Variants in HSPH1 observed in about 807,000 individuals in gnomAD.
The protein encoded by HSPH1 is heat shock protein 105 kDa.
HSPH1 carries 40 observed loss-of-function variants against 100.0 expected under a neutral mutation model. That is an observed-to-expected ratio of 0.40 (90% CI 0.31 to 0.52). HSPH1 has a LOEUF of 0.52. Ranked by LOEUF, HSPH1 falls within the 20% of genes least tolerant of loss-of-function variation. The pLI, the probability that HSPH1 is intolerant of heterozygous loss-of-function variation, is 0.54. For synonymous variants in HSPH1, 403 were observed against 344.0 expected (o/e 1.17, Z -1.90); for missense variants, 876 against 1,015.1 (o/e 0.86, Z 1.86).
chr13:31,154,481 ACTTTGTAATG>A, intron 4 of HSPH1, 142 bp downstream of exon 4: 2 of 866,356 alleles, frequency 2.3e-6, no homozygotes, highest in South Asian at 2.9e-5. Flanking sequence ...ACTCAAATCT[ACTTTGTAATG>A]CTCTGGAACA....
At chr13:31,145,900 G>A (rs1301807609) in intron 10 of HSPH1, 132 bp from the exon 11 acceptor site, 1 of 699,098 alleles carries the variant, frequency 1.4e-6, no homozygotes, top group East Asian at 2.7e-5. Flanking sequence ...TGGGTCACTT[G>A]AGCCCAAGAG....
chr13:31,158,882 C>CA lies in HSPH1; in HGVS notation c.108-20dup. 2 of 1,454,260 alleles carry CA rather than the reference C, an allele frequency of 1.4e-6. No homozygotes were observed. The highest frequency in any genetic ancestry group is 1.1e-5 in the South Asian group (1 of 87,262). The allele number at this position is 1,454,260 out of a possible 1,614,324, so 90.1% of individuals were successfully genotyped here. A position where few individuals can be genotyped will look rare whatever the true frequency, so the allele number is the denominator to read the frequency against. ...GACTGACCTAGAAAAAAATATATTC[C>CA]AAAAAATTAAAAAGCATAAAGGTTG... On this transcript the variant is annotated intron_variant, in intron 1 of 17. Coordinates refer to ENST00000320027, the MANE Select transcript of HSPH1 (RefSeq NM_006644.4).
At chr13:31,155,293 G>A (rs530931889) in intron 3 of HSPH1, among the ~76,000 whole-genome samples, 1 of 152,028 alleles carries the variant, frequency 6.6e-6, no homozygotes, top group South Asian at 2.1e-4. Context: ...TTGCCAAAAA[G>A]TCAGAAGAAA....
intron 4 of HSPH1, among the ~76,000 whole-genome samples, 156 bp from the exon 5 acceptor site, chr13:31,153,107 A>G (rs752464424): frequency 2.4e-4 from 36 of 152,202 alleles, no homozygotes; most frequent in African/African-American, 8.2e-4. Context: ...AAGCTCCTTA[A>G]CCTTCAGAAA....
chr13:31,143,208 T>A (rs1956158588), intron 12 of HSPH1, among the ~76,000 whole-genome samples: 2 of 152,142 alleles, frequency 1.3e-5, no homozygotes, highest in African/African-American at 4.8e-5. Flanking sequence ...CTTCTGACCA[T>A]GAATCTTAAA....
In HSPH1 at chr13:31,161,522, C is replaced by T; in HGVS notation, c.61G>A (p.Gly21Arg). The T allele has an allele frequency of 6.2e-7, 1 of 1,614,026 alleles. No homozygotes were observed. The highest frequency in any genetic ancestry group is 8.5e-7 in the Non-Finnish European group (1 of 1,179,968). Reference sequence around the variant, plus strand: ...TCATTGGCGATGGTCTCGATGCCCCCGGCCCGGGCTACCGCGATGTAGCAG... The same window carrying T: ...TCATTGGCGATGGTCTCGATGCCCCTGGCCCGGGCTACCGCGATGTAGCAG... ...QSCYIAVARA[G>R]GIETIANEFS... The change falls in exon 1 of 18, where the codon GGG becomes AGG. Residue 21 changes from glycine (G) to arginine (R), a missense_variant. Transcript: ENST00000320027.
At chr13:31,144,537 A>C (rs528303873) in intron 11 of HSPH1, among the ~76,000 whole-genome samples, 85 of 152,270 alleles carry the variant, frequency 5.6e-4, no homozygotes, top group East Asian at 2.1e-3. Flanking sequence ...AAAGAAAAAG[A>C]AGAATGAACC....
intron 17 of HSPH1, 51 bp from the exon 18 acceptor site, chr13:31,137,575 A>G: frequency 1.5e-6 from 2 of 1,323,664 alleles, no homozygotes; most frequent in Non-Finnish European, 2.1e-6. Context: ...CATCCAGTTC[A>G]TTTTCAACTG....
At chr13:31,154,496 G>A in intron 4 of HSPH1, 137 bp downstream of exon 4, 1 of 989,030 alleles carries the variant, frequency 1.0e-6, no homozygotes. Context: ...GTAATGCTCT[G>A]GAACACATGT....
rs373957956 is a variant in HSPH1, at chr13:31,138,425, T to A, written c.2352A>T (p.Glu784Asp). The part of the protein sequence containing the change: ...LDQDPVVRAQ[E>D]IKTKIKELNN... Reference sequence around the variant, plus strand: ...CACTCACCTTGATTTTTGTTTTAATTTCCTGAGCACGTACAACTGGATCCT... The same window carrying A: ...CACTCACCTTGATTTTTGTTTTAATATCCTGAGCACGTACAACTGGATCCT... The change falls in exon 17 of 18, where the codon GAA (glutamate) becomes GAT (aspartate). Residue 784 changes from glutamate (E) to aspartate (D), a missense_variant. Coordinates refer to ENST00000320027, the MANE Select transcript of HSPH1 (RefSeq NM_006644.4). 2.5e-6 allele frequency: 4 copies of A among 1,612,806 alleles called. No homozygotes were observed. Among genetic ancestry groups the A allele is most frequent in the Non-Finnish European group, 3.4e-6 (4 of 1,179,204 alleles).
In HSPH1 at chr13:31,146,030, G is replaced by C. The variant is rs568199077; in HGVS notation, c.1379-262C>G. 3.9e-5 allele frequency among the ~76,000 whole-genome samples: 6 copies of C among 152,114 alleles called. No individual in the cohort carries two copies. In the East Asian group the frequency reaches 5.8e-4, roughly 15 times the overall value. Reference sequence around the variant, plus strand: ...TGCGCCTGTAGTCCCAGCTACTCAGGAGTCTGAGGCGGGAGGACTCCTTGA... The same window carrying C: ...TGCGCCTGTAGTCCCAGCTACTCAGCAGTCTGAGGCGGGAGGACTCCTTGA... On this transcript the variant is annotated intron_variant, in intron 10 of 17. Coordinates refer to ENST00000320027, the MANE Select transcript of HSPH1 (RefSeq NM_006644.4).
intron 3 of HSPH1, 46 bp downstream of exon 3, chr13:31,155,468 A>G (rs753542736): frequency 2.1e-6 from 3 of 1,442,124 alleles, no homozygotes; most frequent in Non-Finnish European, 2.8e-6. Context: ...CGTATTTTTA[A>G]GTATTAATAA....
At position 31,148,018 on chromosome 13, in the gene HSPH1, A is replaced by G; in HGVS notation, c.1319T>C (p.Phe440Ser). The change falls in exon 10 of 18, where the codon TTT becomes TCT. Residue 440 changes from phenylalanine to serine, a missense_variant. Phe to Ser is a radical substitution (Grantham distance 155). Transcript: ENST00000320027. ...KVLTFLRRGP[F>S]ELEAFYSDPQ... is the part of the protein sequence containing the mutation. Reference sequence around the variant, plus strand: ...ATCAGAATAGAAAGCTTCTAGCTCAAAAGGCCCCCTTCTCAGAAAGGTGAG... The same window carrying G: ...ATCAGAATAGAAAGCTTCTAGCTCAGAAGGCCCCCTTCTCAGAAAGGTGAG... 6.2e-7 allele frequency: 1 copy of G among 1,611,052 alleles called. No individual in the cohort carries two copies. Among genetic ancestry groups the G allele is most frequent in the Non-Finnish European group, 8.5e-7 (1 of 1,178,910 alleles).
At chr13:31,139,383 C>G (rs1956005648) in intron 14 of HSPH1, among the ~76,000 whole-genome samples, 1 of 152,032 alleles carries the variant, frequency 6.6e-6, no homozygotes, top group African/African-American at 2.4e-5. Context: ...TTTTTGTTGA[C>G]TTACACAACT....
Position 31,141,111 on chromosome 13 carries a change from G to T in HSPH1, c.1854+11C>A. 1 of 1,491,626 alleles carries T rather than the reference G, an allele frequency of 6.7e-7. No homozygotes were observed. The highest frequency in any genetic ancestry group is 9.0e-7 in the Non-Finnish European group (1 of 1,109,412). 92.4% of individuals were successfully genotyped at this position (1,491,626 alleles called of 1,614,324 possible). On this transcript the variant is annotated intron_variant, in intron 13 of 17. Coordinates refer to ENST00000320027, the MANE Select transcript of HSPH1 (RefSeq NM_006644.4). ...TATTTCAAAATAAAAATATTTAATTGAAGTACTTACCTCTGTCTCAATATA... is the reference window on the plus strand; with the variant it reads ...TATTTCAAAATAAAAATATTTAATTTAAGTACTTACCTCTGTCTCAATATA...
intron 2 of HSPH1, among the ~76,000 whole-genome samples, chr13:31,157,587 T>C (rs935763328): frequency 2.0e-5 from 3 of 152,238 alleles, no homozygotes; most frequent in Non-Finnish European, 2.9e-5. Flanking sequence ...ATACATTCCA[T>C]AATATATAAT....
intron 1 of HSPH1, among the ~76,000 whole-genome samples, chr13:31,160,632 C>T (rs1320982177): frequency 3.3e-5 from 5 of 152,212 alleles, no homozygotes; most frequent in African/African-American, 1.2e-4. Context: ...TTTGCCCACC[C>T]TATGCTCCTA....
intron 2 of HSPH1, among the ~76,000 whole-genome samples, chr13:31,156,361 G>A (rs1355539164): frequency 2.0e-5 from 3 of 151,968 alleles, no homozygotes; most frequent in Admixed American, 2.0e-4. Flanking sequence ...CTGCACTCCA[G>A]CCTGGGCGAC....
chr13:31,161,163 C>T (rs1016626697), intron 1 of HSPH1, among the ~76,000 whole-genome samples: 1 of 152,212 alleles, frequency 6.6e-6, no homozygotes, highest in Non-Finnish European at 1.5e-5. Flanking sequence ...CGGGCTTTGC[C>T]GCAGCCCGAC....
Sources: gnomAD v4.1 joint callset for allele counts (sites outside exome capture counted in the v4.1 genomes callset) on GRCh38, gnomAD v4.1.1 for gene constraint, MANE v1.5 for transcripts, NCBI Gene and HGNC (gene_info 2026-07-23, HGNC 2026-07-21) for gene names.